The following QTGAL variants were observed in gnomAD, a reference collection of about 807,000 sequenced individuals.
The protein encoded by QTGAL is BGnT-like protein 1.
the QTGAL span, among the ~76,000 whole-genome samples, chr17:82,972,856 T>G: frequency 1.8e-5 from 1 of 56,242 alleles, no homozygotes; most frequent in African/African-American, 6.6e-5. Flanking sequence ...ACCACACTCA[T>G]AGGGGCCAGA....
At chr17:82,960,898 G>A in the QTGAL span, among the ~76,000 whole-genome samples, 101 of 152,346 alleles carry the variant, frequency 6.6e-4, no homozygotes, top group African/African-American at 2.2e-3. Context: ...CGCCACCCTC[G>A]GGATGTGCTG....
At chr17:82,996,301 A>G in the QTGAL span, among the ~76,000 whole-genome samples, 1 of 152,182 alleles carries the variant, frequency 6.6e-6, no homozygotes, top group Non-Finnish European at 1.5e-5. Flanking sequence ...AGGCAGGTGG[A>G]TCATGAGGTC....
the QTGAL span, among the ~76,000 whole-genome samples, chr17:82,977,724 C>T: frequency 9.9e-5 from 15 of 152,040 alleles, no homozygotes; most frequent in South Asian, 2.1e-4. Flanking sequence ...AGGCACTGGA[C>T]GCAGGGCAGG....
the QTGAL span, among the ~76,000 whole-genome samples, chr17:82,977,287 C>T: frequency 6.6e-6 from 1 of 152,168 alleles, no homozygotes; most frequent in African/African-American, 2.4e-5. Context: ...CCGACACGGA[C>T]CGTGTTTGCA....
the QTGAL span, among the ~76,000 whole-genome samples, chr17:82,992,934 C>T: frequency 6.6e-6 from 1 of 151,942 alleles, no homozygotes; most frequent in Non-Finnish European, 1.5e-5. Flanking sequence ...ATTTGTAAGC[C>T]TGGTGGTAAC....
chr17:82,944,866 C>CTA, the QTGAL span: 1 of 152,170 alleles, frequency 6.6e-6, no homozygotes, highest in Admixed American at 6.5e-5. Flanking sequence ...TAATGGACCA[C>CTA]TATATAAAGC....
chr17:83,006,289 T>A, the QTGAL span: 12 of 985,362 alleles, frequency 1.2e-5, no homozygotes, highest in Non-Finnish European at 1.3e-5. This position sits in a 1 kb window ranked among gnomAD's most constrained non-coding sequence, Gnocchi z 5.8. Context: ...TTGTGTAGCG[T>A]TTACGCGTAG....
At chr17:82,970,889 G>C in the QTGAL span, among the ~76,000 whole-genome samples, 23 of 152,290 alleles carry the variant, frequency 1.5e-4, no homozygotes, top group East Asian at 9.7e-4. Flanking sequence ...CTGCCTTTGC[G>C]GGGGGCCTCA....
chr17:82,995,465 C>T, the QTGAL span, among the ~76,000 whole-genome samples: 4 of 151,866 alleles, frequency 2.6e-5, no homozygotes, highest in Non-Finnish European at 5.9e-5. Context: ...TCACTGCAAC[C>T]TCTGCTTCCC....
chr17:83,042,018 A>C, the QTGAL span, among the ~76,000 whole-genome samples: 1 of 151,698 alleles, frequency 6.6e-6, no homozygotes, highest in African/African-American at 2.4e-5. Context: ...ATTCAGGTAA[A>C]TATAAAAGAT....
At chr17:83,010,318 G>C in the QTGAL span, among the ~76,000 whole-genome samples, 1 of 152,166 alleles carries the variant, frequency 6.6e-6, no homozygotes, top group Non-Finnish European at 1.5e-5. Flanking sequence ...AGGCCTGACA[G>C]CCCGAACTAC....
At chr17:83,035,586 G>A in the QTGAL span, among the ~76,000 whole-genome samples, 1 of 152,128 alleles carries the variant, frequency 6.6e-6, no homozygotes, top group Non-Finnish European at 1.5e-5. Flanking sequence ...CCTTTGGTAG[G>A]TGGCATAATG....
chr17:82,976,569 T>C, the QTGAL span, among the ~76,000 whole-genome samples: 334 of 83,586 alleles, frequency 4.0e-3, 49 homozygotes, highest in Middle Eastern at 7.2e-3. Flanking sequence ...AGGCCACTTA[T>C]GGGGAACAAG....
At chr17:83,005,365 G>A in the QTGAL span, among the ~76,000 whole-genome samples, 7 of 152,104 alleles carry the variant, frequency 4.6e-5, no homozygotes, top group South Asian at 2.1e-4. The surrounding 1 kb of genome is among the most constrained non-coding windows in gnomAD (Gnocchi z 5.6). Context: ...ACCGGGAGTC[G>A]AGGGCGAGGA....
At chr17:82,942,847 TGGGAGAC>T in the QTGAL span, 1 of 321,218 alleles carries the variant, frequency 3.1e-6, no homozygotes, top group Non-Finnish European at 5.8e-6. Flanking sequence ...GTCCCTGCTG[TGGGAGAC>T]GTCTGGCCAC....
the QTGAL span, among the ~76,000 whole-genome samples, chr17:82,978,357 G>A: frequency 6.6e-6 from 1 of 152,184 alleles, no homozygotes; most frequent in Non-Finnish European, 1.5e-5. This position sits in a 1 kb window ranked among gnomAD's most constrained non-coding sequence, Gnocchi z 4.8. Context: ...ATATGAAAAG[G>A]TTGTTATATC....
the QTGAL span, chr17:82,945,094 T>C: frequency 6.6e-6 from 1 of 152,024 alleles, no homozygotes; most frequent in Non-Finnish European, 1.5e-5. Flanking sequence ...ATAATATGAG[T>C]ACATTTTTGA....
At chr17:83,006,082 G>A in the QTGAL span, 1 of 998,998 alleles carries the variant, frequency 1.0e-6, no homozygotes, top group Non-Finnish European at 1.2e-6. This position sits in a 1 kb window ranked among gnomAD's most constrained non-coding sequence, Gnocchi z 5.8. Context: ...AGCCTCCCGA[G>A]TAGACGTTCT....
chr17:83,032,228 TTGGGAGCTGAACAACGGGTCAGA>T, the QTGAL span, among the ~76,000 whole-genome samples: 3 of 64,200 alleles, frequency 4.7e-5, no homozygotes, highest in East Asian at 5.5e-4. Context: ...CAGACCGAGC[TTGGGAGCTGAACAACGGGTCAGA>T]CCAGGCCAGG....
Sources: gnomAD v4.1 joint callset for allele counts (sites outside exome capture counted in the v4.1 genomes callset) on GRCh38, gnomAD v4.1.1 for gene constraint, Gnocchi (gnomAD v3.1) non-coding constraint, MANE v1.5 for transcripts, NCBI Gene and HGNC (gene_info 2026-07-23, HGNC 2026-07-21) for gene names.